Variants in SLC25A48 observed in about 807,000 individuals in gnomAD.
SLC25A48 encodes the protein solute carrier family 25 member 48, also known as CTC-321K16.1.
A neutral mutation model predicts 32.2 loss-of-function variants in SLC25A48; 29 were observed. The observed-to-expected ratio is 0.90, with a 90% CI of 0.67 to 1.23. The LOEUF (loss-of-function observed/expected upper bound fraction) is 1.23, where lower values mean the gene tolerates loss of function less well. Ranked by LOEUF, SLC25A48 falls within the 50% of genes most tolerant of loss-of-function variation. The pLI is 0.00. For missense variants in SLC25A48, 399 were observed against 422.7 expected, an observed-to-expected ratio of 0.94 and a Z score of 0.49; for synonymous variants, 164 against 172.3, an observed-to-expected ratio of 0.95 and a Z score of 0.38.
intron 3 of SLC25A48, among the ~76,000 whole-genome samples, chr5:135,767,857 C>T (rs961077900): frequency 1.3e-5 from 2 of 151,050 alleles, no homozygotes; most frequent in South Asian, 4.2e-4. Context: ...TTTGTACACC[C>T]CCTTGTGATG....
chr5:135,732,831 C>G (rs556072503), intron 3 of SLC25A48, among the ~76,000 whole-genome samples: 1 of 152,062 alleles, frequency 6.6e-6, no homozygotes, highest in Non-Finnish European at 1.5e-5. Flanking sequence ...GAAAAACTGC[C>G]GTGAGGGATA....
chr5:135,686,024 G>T (rs1754014338), intron 3 of SLC25A48, among the ~76,000 whole-genome samples: 1 of 152,152 alleles, frequency 6.6e-6, no homozygotes, highest in South Asian at 2.1e-4. Context: ...CTGTGACTTG[G>T]TTCATATGAG....
At chr5:135,799,094 A>G (rs1173402687) in intron 3 of SLC25A48, among the ~76,000 whole-genome samples, 1 of 151,462 alleles carries the variant, frequency 6.6e-6, no homozygotes. Context: ...CTTTGGTGAT[A>G]TTTTTCCTAA....
chr5:135,625,169 G>A (rs1033464274), intron 1 of SLC25A48, among the ~76,000 whole-genome samples: 11 of 152,146 alleles, frequency 7.2e-5, no homozygotes, highest in Admixed American at 6.5e-4. Context: ...ATGAGGAAAG[G>A]CCTCCCAGAA....
At chr5:135,807,340 TATC>T (rs35396644) in intron 3 of SLC25A48, among the ~76,000 whole-genome samples, 3 of 150,008 alleles carry the variant, frequency 2.0e-5, no homozygotes, top group Non-Finnish European at 3.0e-5. Context: ...TAGATATAAA[TATC>T]ATATCTTGTT....
At chr5:135,664,550 T>C (rs1436737310) in intron 3 of SLC25A48, among the ~76,000 whole-genome samples, 7 of 152,210 alleles carry the variant, frequency 4.6e-5, no homozygotes, top group East Asian at 1.9e-4. Flanking sequence ...GCAGTTTACA[T>C]TGTACCCAAT....
intron 3 of SLC25A48, among the ~76,000 whole-genome samples, chr5:135,644,101 A>G (rs964691487): frequency 6.6e-6 from 1 of 152,166 alleles, no homozygotes; most frequent in Non-Finnish European, 1.5e-5. Context: ...ATTCAAATAA[A>G]GAGATTAGAG....
chr5:135,665,780 G>A (rs990459887), intron 3 of SLC25A48, among the ~76,000 whole-genome samples: 2 of 126,812 alleles, frequency 1.6e-5, no homozygotes, highest in South Asian at 5.0e-4. Flanking sequence ...AAAAAAATCA[G>A]ATTCATCCTT....
intron 3 of SLC25A48, among the ~76,000 whole-genome samples, chr5:135,734,944 G>A (rs181320035): frequency 6.2e-4 from 94 of 152,278 alleles, no homozygotes; most frequent in Non-Finnish European, 1.2e-4. Flanking sequence ...GCCTTCAGCC[G>A]CTAAGCCGAG....
Position 135,888,110 on chromosome 5 carries a change from C to A in SLC25A48, c.*86C>A. 2 of 1,550,072 alleles carry A rather than the reference C, an allele frequency of 1.3e-6. No homozygotes were observed. The highest frequency in any genetic ancestry group is 1.7e-6 in the Non-Finnish European group (2 of 1,145,736). On this transcript the variant is annotated 3_prime_UTR_variant, in exon 8 of 8. Coordinates refer to ENST00000681962, the MANE Select transcript of SLC25A48 (RefSeq NM_001349336.2). ...AGCCCTGAGAGCTGCAGATGTTTGG[C>A]CTTTGGACCTCCAAGTGGACATCAA...
At chr5:135,700,243 G>A (rs904094048) in intron 3 of SLC25A48, among the ~76,000 whole-genome samples, 13 of 151,546 alleles carry the variant, frequency 8.6e-5, no homozygotes, top group African/African-American at 2.9e-4. Context: ...CTGGTGGCGT[G>A]TGCCTGTAAT....
At chr5:135,797,649 T>G (rs777157932) in intron 3 of SLC25A48, among the ~76,000 whole-genome samples, 1 of 151,664 alleles carries the variant, frequency 6.6e-6, no homozygotes, top group Non-Finnish European at 1.5e-5. Context: ...TACACCTCCC[T>G]TGTGATATTG....
intron 3 of SLC25A48, among the ~76,000 whole-genome samples, chr5:135,730,018 C>T (rs75431453): frequency 0.013 from 1,947 of 152,226 alleles, 41 homozygotes; most frequent in African/African-American, 0.043. Flanking sequence ...CTGCCCAGAG[C>T]TCATAAACTG....
chr5:135,700,738 C>T (rs1754376382), intron 3 of SLC25A48, among the ~76,000 whole-genome samples: 1 of 152,224 alleles, frequency 6.6e-6, no homozygotes, highest in South Asian at 2.1e-4. Flanking sequence ...TTCTGCAGTC[C>T]CCTCAGGCTC....
chr5:135,712,383 G>A (rs958777795), intron 3 of SLC25A48, among the ~76,000 whole-genome samples: 2 of 152,166 alleles, frequency 1.3e-5, no homozygotes, highest in African/African-American at 4.8e-5. Context: ...TCAAATTTAT[G>A]ACCCTAATAC....
chr5:135,669,588 G>T (rs139382359), intron 3 of SLC25A48, among the ~76,000 whole-genome samples: 1 of 152,274 alleles, frequency 6.6e-6, no homozygotes, highest in African/African-American at 2.4e-5. Flanking sequence ...AGCAGCTGGG[G>T]ATTTTATCAC....
At chr5:135,758,890 GAAT>G (rs1755991133) in intron 3 of SLC25A48, among the ~76,000 whole-genome samples, 1 of 150,314 alleles carries the variant, frequency 6.7e-6, no homozygotes, top group East Asian at 2.0e-4. Context: ...GATATTAATA[GAAT>G]ATTATCTATG....
intron 3 of SLC25A48, among the ~76,000 whole-genome samples, chr5:135,796,524 A>C (rs889957468): frequency 6.6e-6 from 1 of 151,074 alleles, no homozygotes; most frequent in Non-Finnish European, 1.5e-5. Context: ...TGAGAGGATG[A>C]TATTACTCCC....
intron 3 of SLC25A48, among the ~76,000 whole-genome samples, chr5:135,725,013 A>G (rs767016810): frequency 6.6e-5 from 10 of 152,234 alleles, no homozygotes; most frequent in Non-Finnish European, 1.3e-4. Context: ...GGGATTTCCT[A>G]AAAGGAAAAG....
Sources: gnomAD v4.1 joint callset for allele counts (sites outside exome capture counted in the v4.1 genomes callset) on GRCh38, gnomAD v4.1.1 for gene constraint, MANE v1.5 for transcripts, NCBI Gene and HGNC (gene_info 2026-07-23, HGNC 2026-07-21) for gene names.